The following CNBD1 variants were observed in gnomAD, a reference collection of about 807,000 sequenced individuals.
CNBD1 encodes cyclic nucleotide binding domain containing 1.
In CNBD1, 71 loss-of-function variants were observed where a neutral mutation model predicts 54.4. The ratio of observed to expected loss-of-function variants is 1.30; its 90% CI spans 1.08 to 1.59. CNBD1 has a LOEUF of 1.59. Among genes scored for constraint, CNBD1 ranks in the 40% most tolerant of loss-of-function variants. The probability of loss-of-function intolerance (pLI) is 0.00; values close to 1 mark genes in which losing one functional copy is unlikely to be tolerated. For missense variants in CNBD1, 659 were observed against 518.0 expected (o/e 1.27, Z -2.64); for synonymous variants, 182 against 170.7 (o/e 1.07, Z -0.51).
rs114283715 is a variant in CNBD1 at position 87,403,667 on chromosome 8, A to T, written c.214-24879A>T. Among the ~76,000 whole-genome samples the T allele has an allele frequency of 9.7e-3, 1,466 of 151,108 alleles. 20 individuals are homozygous for T. Among genetic ancestry groups the T allele is most frequent in the African/African-American group, 0.033 (1,350 of 40,632 alleles). On this transcript the variant is annotated intron_variant, in intron 2 of 7. Transcript: ENST00000521593. ...CTCATTAAAGGGAAGTAGCTTTTTT[A>T]AAAAAATTATTATTGTAATTATATT...
intron 8 of CNBD1, among the ~76,000 whole-genome samples, chr8:87,302,772 G>A (rs1047771860): frequency 4.4e-4 from 67 of 151,932 alleles, no homozygotes; most frequent in African/African-American, 1.4e-3. Flanking sequence ...TAAGCTGATA[G>A]GCAACTTCAG....
chr8:87,059,262 C>G (rs1810493281), intron 4 of CNBD1, among the ~76,000 whole-genome samples: 1 of 152,198 alleles, frequency 6.6e-6, no homozygotes, highest in Non-Finnish European at 1.5e-5. Flanking sequence ...TCTGAGCTTT[C>G]AAAGTCTCTA....
intron 8 of CNBD1, among the ~76,000 whole-genome samples, chr8:87,305,834 C>T (rs1809129170): frequency 6.6e-6 from 1 of 152,122 alleles, no homozygotes; most frequent in African/African-American, 2.4e-5. Context: ...CCCTTCTAGT[C>T]ATTGGCTTAA....
chr8:87,074,050 G>A (rs1427220838), intron 4 of CNBD1, among the ~76,000 whole-genome samples: 4 of 149,766 alleles, frequency 2.7e-5, no homozygotes, highest in Admixed American at 6.7e-5. Context: ...GCAGTGAGCC[G>A]AGATCGCGCC....
chr8:87,356,976 G>C (rs1019569555), intron 10 of CNBD1, among the ~76,000 whole-genome samples: 1 of 152,150 alleles, frequency 6.6e-6, no homozygotes, highest in Non-Finnish European at 1.5e-5. Flanking sequence ...GCCATCCTGG[G>C]CTCAAACAGC....
Position 87,327,521 on chromosome 8 carries a change from A to T in CNBD1, c.1043-24164A>T, listed in dbSNP as rs564732050. Among the ~76,000 whole-genome samples the T allele has an allele frequency of 2.0e-5, 3 of 152,296 alleles. No individual in the cohort carries two copies. The South Asian group carries it at 6.2e-4, about 32-fold the overall frequency. On this transcript the variant is annotated intron_variant, in intron 8 of 10. Coordinates refer to ENST00000518476, the MANE Select transcript of CNBD1 (RefSeq NM_173538.3). The stretch of plus-strand genomic sequence containing the variant: ...TAGTTTCGTGGTGCGCCGTTTTTTA[A>T]GCCGGTCTGAAAAGCGCAATATTCG...
intron 10 of CNBD1, among the ~76,000 whole-genome samples, chr8:87,377,238 G>A (rs1366410086): frequency 6.6e-6 from 1 of 150,742 alleles, no homozygotes; most frequent in Non-Finnish European, 1.5e-5. Flanking sequence ...TGCCATGCTG[G>A]TGCGCTGCAC....
intron 10 of CNBD1, among the ~76,000 whole-genome samples, chr8:87,355,634 A>G (rs2130931689): frequency 6.6e-6 from 1 of 152,300 alleles, no homozygotes; most frequent in Non-Finnish European, 1.5e-5. Context: ...GTACAATAAA[A>G]CTGGGAGTAA....
At chr8:87,290,638 C>A (rs1204749809) in intron 8 of CNBD1, among the ~76,000 whole-genome samples, 2 of 152,040 alleles carry the variant, frequency 1.3e-5, no homozygotes, top group African/African-American at 4.8e-5. Context: ...TTTAGTATTT[C>A]TTTGAGGGAG....
rs534497226 is a variant in CNBD1 at position 87,180,776 on chromosome 8, C to G, written c.432-25217C>G. ...GAGGGAGGAGTGTGTGTTTGACTCT[C>G]AGGCAGTCCATATTTTATGTACTAG... is the stretch of plus-strand genomic sequence containing the variant. On this transcript the variant is annotated intron_variant, in intron 4 of 10. Transcript: ENST00000518476. Among the ~76,000 whole-genome samples the G allele has an allele frequency of 6.6e-5, 10 of 152,226 alleles. No individual in the cohort carries two copies. In the South Asian group the frequency reaches 1.9e-3, roughly 28 times the overall value.
At chr8:87,345,299 G>A (rs1810146861) in intron 8 of CNBD1, among the ~76,000 whole-genome samples, 1 of 152,090 alleles carries the variant, frequency 6.6e-6, no homozygotes, top group Admixed American at 6.6e-5. Flanking sequence ...ACATATTTTT[G>A]GAACTTGGTA....
intron 6 of CNBD1, among the ~76,000 whole-genome samples, chr8:87,283,981 A>G (rs1236437559): frequency 1.3e-5 from 2 of 152,100 alleles, no homozygotes; most frequent in African/African-American, 4.8e-5. Flanking sequence ...TAGTCTATGG[A>G]TTTGAAGTAG....
intron 2 of CNBD1, among the ~76,000 whole-genome samples, chr8:87,391,261 TAAAA>T (rs200634539): frequency 1.3e-5 from 2 of 151,592 alleles, no homozygotes; most frequent in South Asian, 2.1e-4. Context: ...AAATTTCAAA[TAAAA>T]AAAAGATAAC....
intron 6 of CNBD1, among the ~76,000 whole-genome samples, chr8:87,255,972 A>T (rs1419663410): frequency 1.8e-4 from 3 of 16,952 alleles, no homozygotes; most frequent in African/African-American, 2.1e-4. Context: ...TGCAGCTACA[A>T]ATATATATAT....
intron 4 of CNBD1, among the ~76,000 whole-genome samples, chr8:87,113,080 C>A (rs2130706431): frequency 6.6e-6 from 1 of 152,272 alleles, no homozygotes. Context: ...AGCAAAAGAT[C>A]TGGGCATCGG....
chr8:87,001,827 A>T (rs1283772364), intron 4 of CNBD1, among the ~76,000 whole-genome samples: 1 of 152,138 alleles, frequency 6.6e-6, no homozygotes, highest in Non-Finnish European at 1.5e-5. Context: ...TCCCATTGTG[A>T]CATATCACAG....
intron 10 of CNBD1, among the ~76,000 whole-genome samples, chr8:87,368,670 G>T (rs907568942): frequency 6.6e-6 from 1 of 151,858 alleles, no homozygotes; most frequent in East Asian, 2.0e-4. Flanking sequence ...GAGAGAGACA[G>T]AGAGAGAAAG....
intron 5 of CNBD1, among the ~76,000 whole-genome samples, chr8:87,209,475 G>C (rs1814047798): frequency 1.3e-5 from 2 of 151,982 alleles, no homozygotes; most frequent in Non-Finnish European, 1.5e-5. Flanking sequence ...GGAAGTGAAA[G>C]ACCTGTAAAC....
intron 6 of CNBD1, among the ~76,000 whole-genome samples, chr8:87,240,607 T>C (rs1807676027): frequency 6.6e-6 from 1 of 152,194 alleles, no homozygotes; most frequent in African/African-American, 2.4e-5. Context: ...AATCCAGCAG[T>C]GGGAAGAATA....
Sources: allele counts gnomAD v4.1 joint callset (sites outside exome capture counted in the v4.1 genomes callset), GRCh38; gene constraint gnomAD v4.1.1; transcripts MANE v1.5; gene names NCBI Gene and HGNC (gene_info 2026-07-23, HGNC 2026-07-21).